The following GDAP1 variants were observed in gnomAD, a reference collection of about 807,000 sequenced individuals.
GDAP1 encodes ganglioside-induced differentiation-associated protein 1.
GDAP1 carries 34 observed loss-of-function variants against 40.1 expected under a neutral mutation model. That is an observed-to-expected ratio of 0.85 (90% confidence interval 0.64 to 1.13). The LOEUF (loss-of-function observed/expected upper bound fraction) is 1.13. GDAP1 is among the 50% of genes most tolerant of loss of function. The probability of loss-of-function intolerance (pLI) is 0.00; values close to 1 mark genes in which losing one functional copy is unlikely to be tolerated. For synonymous variants in GDAP1, 170 were observed against 157.4 expected (o/e 1.08, Z -0.60); for missense variants, 374 against 433.7 (o/e 0.86, Z 1.22).
At chr8:74,385,882 A>G (rs563109161) in intron 2 of GDAP1, among the ~76,000 whole-genome samples, 5 of 152,198 alleles carry the variant, frequency 3.3e-5, no homozygotes, top group African/African-American at 9.6e-5. Context: ...TCACCATTCT[A>G]ATTGGTGTGA....
chr8:74,373,717 A>G (rs1464595819), intron 2 of GDAP1, among the ~76,000 whole-genome samples: 2 of 152,172 alleles, frequency 1.3e-5, no homozygotes, highest in Non-Finnish European at 2.9e-5. Context: ...GGACAATTTG[A>G]CTTCCTCTTT....
At chr8:74,378,952 A>C (rs1056102768) in intron 2 of GDAP1, among the ~76,000 whole-genome samples, 1 of 152,162 alleles carries the variant, frequency 6.6e-6, no homozygotes, top group Non-Finnish European at 1.5e-5. Flanking sequence ...GGGCTAATTG[A>C]GCAGGGAATT....
downstream of GDAP1, among the ~76,000 whole-genome samples, chr8:74,369,579 G>A (rs146434636): frequency 1.7e-4 from 26 of 152,050 alleles, no homozygotes; most frequent in Middle Eastern, 6.8e-3. Context: ...TGTGTGTTAC[G>A]GGAGTTCTAA....
At chr8:74,436,241 T>G (rs1806086720) in intron 2 of GDAP1, among the ~76,000 whole-genome samples, 1 of 152,146 alleles carries the variant, frequency 6.6e-6, no homozygotes, top group Non-Finnish European at 1.5e-5. Flanking sequence ...TAAAAGAATA[T>G]ATTCGACCCA....
intron 2 of GDAP1, among the ~76,000 whole-genome samples, chr8:74,403,790 G>C (rs1805598586): frequency 6.7e-6 from 1 of 150,110 alleles, no homozygotes; most frequent in African/African-American, 2.5e-5. Context: ...GTTTAAATGT[G>C]AACCTTGATG....
At chr8:74,471,740 C>G (rs1806559797) in intron 2 of GDAP1, among the ~76,000 whole-genome samples, 1 of 152,138 alleles carries the variant, frequency 6.6e-6, no homozygotes. Flanking sequence ...TTTACACTTT[C>G]TAGAATTCTA....
At chr8:74,475,609 G>A (rs1448273956) in intron 2 of GDAP1, among the ~76,000 whole-genome samples, 1 of 151,984 alleles carries the variant, frequency 6.6e-6, no homozygotes, top group Non-Finnish European at 1.5e-5. Flanking sequence ...TACTTTTTTA[G>A]TCTTGAATGT....
Position 74,461,207 on chromosome 8 carries a change from C to T in GDAP1, c.166-27471C>T, listed in dbSNP as rs1032924480. Among the ~76,000 whole-genome samples the T allele has an allele frequency of 2.0e-5, 3 of 152,142 alleles. No individual in the cohort carries two copies. In the East Asian group the frequency reaches 5.8e-4, roughly 29 times the overall value. ...AGCAAGGAAAGGATTAGAGGATAGGCACAGGAGCATGCTGAGTTAAAAATG... is the reference window on the plus strand; with the variant it reads ...AGCAAGGAAAGGATTAGAGGATAGGTACAGGAGCATGCTGAGTTAAAAATG... On this transcript the variant is annotated intron_variant, in intron 2 of 2. Coordinates refer to the GDAP1 transcript ENST00000523640.
Position 74,450,828 on chromosome 8 carries a change from T to TC in GDAP1, c.166-37850_166-37849insC, listed in dbSNP as rs1806292018. Among the ~76,000 whole-genome samples the TC allele has an allele frequency of 2.5e-5, 2 of 80,548 alleles. 1 individual carries two copies. The highest frequency in any genetic ancestry group is 1.1e-3 in the South Asian group (2 of 1,764). The allele number at this position is 80,548 out of a possible 152,430, so 52.8% of individuals were successfully genotyped here. A position where few individuals can be genotyped will look rare whatever the true frequency, so the allele number is the denominator to read the frequency against. On this transcript the variant is annotated intron_variant, in intron 2 of 2. Transcript: ENST00000523640. Reference sequence around the variant, plus strand: ...CTATTGTTTATTTGAATAATGTATTTTTTTTCCTTTTTATGTTCTCTTTTT... The same window carrying TC: ...CTATTGTTTATTTGAATAATGTATTTCTTTTTCCTTTTTATGTTCTCTTTTT...
intron 2 of GDAP1, among the ~76,000 whole-genome samples, chr8:74,385,162 G>A (rs978798010): frequency 2.0e-5 from 3 of 151,946 alleles, no homozygotes; most frequent in African/African-American, 2.4e-5. Context: ...TAAAGAGATA[G>A]GTGGTATATA....
In GDAP1 at chr8:74,364,778, G is replaced by C. The variant is rs1039927839; in HGVS notation, c.*411G>C. On this transcript the variant is annotated 3_prime_UTR_variant, in exon 6 of 6. Transcript: ENST00000220822. ...TAGGAGAGGACTAGGGAATCACTGG[G>C]GATAGTGGGCTGGAGAGAACCCCAG... 4.4e-6 allele frequency: 2 copies of C among 457,688 alleles called. No individual in the cohort carries two copies. The highest frequency in any genetic ancestry group is 1.4e-4 in the East Asian group (2 of 14,520). 28.4% of individuals were successfully genotyped at this position (457,688 alleles called of 1,614,324 possible). A position where few individuals can be genotyped will look rare whatever the true frequency, so the allele number is the denominator to read the frequency against.
intron 2 of GDAP1, among the ~76,000 whole-genome samples, chr8:74,467,074 G>A (rs1247205166): frequency 6.6e-6 from 1 of 152,150 alleles, no homozygotes; most frequent in African/African-American, 2.4e-5. Flanking sequence ...ATGAAGGTAG[G>A]TATTTATATA....
chr8:74,408,178 G>A (rs1161785486), intron 2 of GDAP1, among the ~76,000 whole-genome samples: 2 of 150,108 alleles, frequency 1.3e-5, no homozygotes, highest in Non-Finnish European at 2.9e-5. Context: ...AAGAAAAGAG[G>A]AAGAGTGAAA....
intron 2 of GDAP1, among the ~76,000 whole-genome samples, chr8:74,484,443 A>T (rs554903138): frequency 7.2e-5 from 11 of 152,212 alleles, no homozygotes; most frequent in Non-Finnish European, 1.6e-4. Flanking sequence ...TTCTAAGGAT[A>T]TCGGAAAATA....
At chr8:74,479,954 G>A (rs1806687570) in intron 2 of GDAP1, among the ~76,000 whole-genome samples, 2 of 151,362 alleles carry the variant, frequency 1.3e-5, no homozygotes, top group South Asian at 4.2e-4. Flanking sequence ...AGTTCCCATG[G>A]TGATCCCTGA....
At chr8:74,448,278 C>T (rs188855914) in intron 2 of GDAP1, among the ~76,000 whole-genome samples, 23 of 152,034 alleles carry the variant, frequency 1.5e-4, no homozygotes, top group Admixed American at 1.2e-3. Context: ...TTCATTTGCT[C>T]CACGTAATAT....
chr8:74,373,033 T>C (rs1198265307), intron 2 of GDAP1, among the ~76,000 whole-genome samples: 3 of 151,712 alleles, frequency 2.0e-5, no homozygotes, highest in Non-Finnish European at 4.4e-5. Context: ...AATCATTTCT[T>C]GTTTTTGTCA....
At position 74,356,659 on chromosome 8, in the gene GDAP1, AGTGTGTGTGTGTGTGTGTGT is replaced by A. The variant is rs144717682; in HGVS notation, c.311-3465_311-3446del. Among the ~76,000 whole-genome samples the A allele has an allele frequency of 1.9e-4, 23 of 122,996 alleles. 1 individual carries two copies. In the East Asian group the frequency reaches 4.9e-3, roughly 26 times the overall value. 80.7% of individuals were successfully genotyped at this position (122,996 alleles called of 152,430 possible). ...ATAACTTAATTGTTTAATATTATTT[AGTGTGTGTGTGTGTGTGTGT>A]GTGTGTGTGTGTTTGTGTGTGTGTA... On this transcript the variant is annotated intron_variant, in intron 2 of 5. Transcript: ENST00000220822.
At chr8:74,362,384 C>T (rs185090600) in intron 4 of GDAP1, among the ~76,000 whole-genome samples, 84 of 152,192 alleles carry the variant, frequency 5.5e-4, no homozygotes, top group Non-Finnish European at 8.7e-4. Context: ...ATTCCTTCCC[C>T]GGGCCCAGCA....
Sources: gnomAD v4.1 joint callset for allele counts (sites outside exome capture counted in the v4.1 genomes callset) on GRCh38, gnomAD v4.1.1 for gene constraint, MANE v1.5 for transcripts, NCBI Gene and HGNC (gene_info 2026-07-23, HGNC 2026-07-21) for gene names.